The following ZHX1 variants were observed in gnomAD, a reference collection of about 807,000 sequenced individuals.
ZHX1 encodes zinc fingers and homeoboxes protein 1.
In ZHX1, 20 loss-of-function variants were observed where a neutral mutation model predicts 61.8. The observed-to-expected ratio is 0.32, with a 90% CI of 0.23 to 0.47. ZHX1 has a LOEUF of 0.47. Among genes scored for constraint, ZHX1 ranks in the 20% least tolerant of loss-of-function variants. The pLI, the probability that ZHX1 is intolerant of heterozygous loss-of-function variation, is 1.00. For synonymous variants in ZHX1, 318 were observed against 352.6 expected, an observed-to-expected ratio of 0.90 and a Z score of 1.10; for missense variants, 800 against 1,034.8, an observed-to-expected ratio of 0.77 and a Z score of 3.11.
chr8:123,264,331 GTAATACAC>G (rs1457000167), intron 2 of ZHX1, among the ~76,000 whole-genome samples: 11 of 152,198 alleles, frequency 7.2e-5, no homozygotes, highest in Non-Finnish European at 1.6e-4. Flanking sequence ...AGTCCTCAAT[GTAATACAC>G]TATAAGAAGT....
chr8:123,266,358 G>C (rs568274623), intron 2 of ZHX1, among the ~76,000 whole-genome samples: 1 of 152,062 alleles, frequency 6.6e-6, no homozygotes, highest in Non-Finnish European at 1.5e-5. Context: ...TAATGGTAAG[G>C]TAACTGTTAC....
At chr8:123,265,854 A>G (rs561058901) in intron 2 of ZHX1, among the ~76,000 whole-genome samples, 1 of 152,374 alleles carries the variant, frequency 6.6e-6, no homozygotes, top group Admixed American at 6.5e-5. Context: ...ATCAAATGTC[A>G]GAGGATACCT....
chr8:123,266,365 T>C (rs998640998), intron 2 of ZHX1, among the ~76,000 whole-genome samples: 2 of 152,190 alleles, frequency 1.3e-5, no homozygotes, highest in Admixed American at 6.5e-5. Flanking sequence ...AAGGTAACTG[T>C]TACCCACTTC....
chr8:123,255,143 A>C lies in ZHX1; in HGVS notation c.804T>G (p.Ser268=). ...GAATCAAATTAGAATTCTGCTGAGC[A>C]GATACAGCAGTTATCACCTGTGCCA... ...PGLAQVITAV[S]AQQNSNLIPK... is the part of the protein sequence containing the mutation. Residue 268 remains serine (S), a synonymous_variant, in exon 3 of 4, where the codon TCT becomes TCG. Coordinates refer to ENST00000395571, the MANE Select transcript of ZHX1 (RefSeq NM_007222.5). 6.2e-7 allele frequency: 1 copy of C among 1,614,210 alleles called. No individual in the cohort carries two copies. Among genetic ancestry groups the C allele is most frequent in the African/African-American group, 1.3e-5 (1 of 75,074 alleles).
At chr8:123,259,115 T>G (rs1022845142) in intron 2 of ZHX1, among the ~76,000 whole-genome samples, 2 of 152,186 alleles carry the variant, frequency 1.3e-5, no homozygotes, top group Non-Finnish European at 2.9e-5. Context: ...ATTATTCAAA[T>G]ACAGACTACA....
In ZHX1 at chr8:123,255,061, T is replaced by G; in HGVS notation, c.886A>C (p.Asn296His). ...IPTYNAALDN[N>H]PLLLNTYNKF... is the part of the protein sequence containing the mutation. The stretch of plus-strand genomic sequence containing the variant: ...TTGTAGGTGTTAAGTAAAAGGGGAT[T>G]GTTATCCAATGCAGCATTGTAGGTG... Residue 296 changes from asparagine to histidine, a missense_variant, in exon 3 of 4, where the codon AAT (asparagine) becomes CAT (histidine). Transcript: ENST00000395571. 6.2e-7 allele frequency: 1 copy of G among 1,614,176 alleles called. No homozygotes were observed. Among genetic ancestry groups the G allele is most frequent in the Non-Finnish European group, 8.5e-7 (1 of 1,180,018 alleles).
chr8:123,262,932 T>TTAA (rs1465327554), intron 2 of ZHX1: 1 of 142,588 alleles, frequency 7.0e-6, no homozygotes, highest in East Asian at 2.0e-4. Context: ...GCAAATTTGT[T>TTAA]TAAAAAAAAA....
intron 2 of ZHX1, 143 bp downstream of exon 2, chr8:123,267,130 A>T: frequency 1.7e-6 from 1 of 578,914 alleles, no homozygotes; most frequent in Non-Finnish European, 2.8e-6. Flanking sequence ...ATTTGAAAGT[A>T]TATTAAAAAA....
At chr8:123,262,721 T>G (rs981830621) in intron 2 of ZHX1, 5 of 152,098 alleles carry the variant, frequency 3.3e-5, no homozygotes, top group African/African-American at 1.2e-4. Context: ...GACCCTAAAA[T>G]TGCAAATAGA....
In ZHX1 at chr8:123,254,828, G is replaced by A. The variant is rs749266525; in HGVS notation, c.1119C>T (p.His373=). The A allele has an allele frequency of 5.6e-6, 9 of 1,614,218 alleles. No homozygotes were observed. The highest frequency in any genetic ancestry group is 6.8e-6 in the Non-Finnish European group (8 of 1,180,038). Reference sequence around the variant, plus strand: ...GTAAACCATTACTCCCTGTGGAAATGTGTGTAGGAATAACAGTTATGGTCT... The same window carrying A: ...GTAAACCATTACTCCCTGTGGAAATATGTGTAGGAATAACAGTTATGGTCT... ...VPQTITVIPT[H]ISTGSNGLPS... The change falls in exon 3 of 4, where the codon CAC becomes CAT. Residue 373 remains histidine (H), a synonymous_variant. Transcript: ENST00000395571. This position sits in a 1 kb window ranked among gnomAD's most constrained non-coding sequence, Gnocchi z 4.1.
upstream of ZHX1, among the ~76,000 whole-genome samples, chr8:123,274,762 C>T (rs892089176): frequency 3.3e-5 from 5 of 152,198 alleles, 1 homozygote; most frequent in Admixed American, 3.3e-4. Flanking sequence ...TCTCTCGGGT[C>T]AGCACAGAAG....
At chr8:123,274,792 G>A (rs190770385), upstream of ZHX1, among the ~76,000 whole-genome samples, 1 of 152,150 alleles carries the variant, frequency 6.6e-6, no homozygotes, top group Non-Finnish European at 1.5e-5. Flanking sequence ...CCTTCCTTGC[G>A]CTCCGCCTTC....
At chr8:123,265,284 A>G (rs1826420424) in intron 2 of ZHX1, among the ~76,000 whole-genome samples, 1 of 152,072 alleles carries the variant, frequency 6.6e-6, no homozygotes, top group Non-Finnish European at 1.5e-5. Flanking sequence ...GTTCTTAGGT[A>G]GCAAAAATAT....
chr8:123,267,802 G>A (rs1036399957), intron 1 of ZHX1, among the ~76,000 whole-genome samples: 5 of 152,182 alleles, frequency 3.3e-5, no homozygotes, highest in African/African-American at 1.2e-4. Flanking sequence ...GGGAGTTTGA[G>A]ACCAGTCTGA....
At chr8:123,261,741 AT>A (rs1341460099) in intron 2 of ZHX1, among the ~76,000 whole-genome samples, 1 of 152,210 alleles carries the variant, frequency 6.6e-6, no homozygotes, top group Non-Finnish European at 1.5e-5. Flanking sequence ...CAGGTGCCTA[AT>A]TGATGCTATT....
At chr8:123,265,152 G>GCA (rs1232413704) in intron 2 of ZHX1, among the ~76,000 whole-genome samples, 1 of 147,870 alleles carries the variant, frequency 6.8e-6, no homozygotes, top group East Asian at 2.0e-4. Flanking sequence ...TTGCGCCATT[G>GCA]CACTCCAGCC....
intron 1 of ZHX1, among the ~76,000 whole-genome samples, chr8:123,267,894 G>A (rs1826509422): frequency 6.6e-6 from 1 of 152,094 alleles, no homozygotes; most frequent in African/African-American, 2.4e-5. Flanking sequence ...CCAGCTACTC[G>A]GGAAGCTGAG....
At chr8:123,267,495 A>G (rs1395988223) in intron 1 of ZHX1, 109 bp from the exon 2 acceptor site, 1 of 410,864 alleles carries the variant, frequency 2.4e-6, no homozygotes, top group Non-Finnish European at 4.3e-6. Flanking sequence ...TTTGAAAAAA[A>G]AAGTTTATTC....
At chr8:123,250,885 A>G (rs1191842185) in intron 3 of ZHX1, among the ~76,000 whole-genome samples, 1 of 152,236 alleles carries the variant, frequency 6.6e-6, no homozygotes, top group Non-Finnish European at 1.5e-5. Context: ...TCACAAAAGT[A>G]TATAATATGG....
Sources: allele counts gnomAD v4.1 joint callset (sites outside exome capture counted in the v4.1 genomes callset), GRCh38; gene constraint gnomAD v4.1.1; non-coding constraint Gnocchi (gnomAD v3.1); transcripts MANE v1.5; gene names NCBI Gene and HGNC (gene_info 2026-07-23, HGNC 2026-07-21).